CRHR1: variants seen among roughly 807,000 people sequenced by gnomAD.
The protein encoded by CRHR1 is corticotropin-releasing hormone receptor 1.
A neutral mutation model predicts 56.0 loss-of-function variants in CRHR1; 28 were observed. The ratio of observed to expected loss-of-function variants is 0.50; its 90% CI spans 0.37 to 0.69. The LOEUF is 0.69. CRHR1 is among the 30% of genes least tolerant of loss of function. CRHR1 has a pLI of 0.00. For missense variants in CRHR1, 376 were observed against 548.0 expected (o/e 0.69, Z 3.13); for synonymous variants, 195 against 216.5 (o/e 0.90, Z 0.87).
intron 1 of CRHR1, among the ~76,000 whole-genome samples, chr17:45,798,582 T>C (rs4792884): frequency 0.16 from 23,503 of 149,680 alleles, 2,813 homozygotes; most frequent in African/African-American, 0.34. Context: ...AGCTTACAAC[T>C]CAAGCTTATA....
At chr17:45,821,512 T>C (rs2143125435) in intron 4 of CRHR1, 72 bp downstream of exon 4, 8 of 1,395,310 alleles carry the variant, frequency 5.7e-6, no homozygotes, top group East Asian at 2.3e-5. Flanking sequence ...TTGTGCCTGC[T>C]ACTTGGAGTC....
At chr17:45,804,776 C>G (rs1388599836) in intron 1 of CRHR1, among the ~76,000 whole-genome samples, 1 of 151,158 alleles carries the variant, frequency 6.6e-6, no homozygotes, top group East Asian at 1.9e-4. Flanking sequence ...TGGAGTGAAG[C>G]AAGTGAGGCA....
chr17:45,828,942 G>A (rs1279099142), intron 4 of CRHR1, among the ~76,000 whole-genome samples: 2 of 152,196 alleles, frequency 1.3e-5, no homozygotes, highest in Non-Finnish European at 2.9e-5. Context: ...CAGGGGCGGG[G>A]GGTCCATGTG....
At chr17:45,820,630 A>C (rs1053369093) in intron 3 of CRHR1, among the ~76,000 whole-genome samples, 11 of 152,180 alleles carry the variant, frequency 7.2e-5, no homozygotes, top group Non-Finnish European at 1.3e-4. Context: ...CAGCTGTGAC[A>C]GACCTGAGTG....
rs376747213 is a variant in CRHR1 at position 45,833,702 on chromosome 17, G to A, written c.930-12G>A. 28 of 412,902 alleles carry A rather than the reference G, an allele frequency of 6.8e-5. No individual in the cohort carries two copies. Among genetic ancestry groups the A allele is most frequent in the African/African-American group, 3.7e-4 (11 of 29,526 alleles). 25.6% of individuals were successfully genotyped at this position (412,902 alleles called of 1,614,324 possible). ...GCTGTGACTCCGAGCCTCCCCACCC[G>A]CCCCACCCCAGGAAGGCTGTGAAAG... On this transcript the variant is annotated splice_polypyrimidine_tract_variant and intron_variant, in intron 10 of 12. Coordinates refer to ENST00000314537, the MANE Select transcript of CRHR1 (RefSeq NM_004382.5).
At chr17:45,829,616 C>T (rs1472913681) in intron 5 of CRHR1, 33 of 1,551,106 alleles carry the variant, frequency 2.1e-5, no homozygotes, top group South Asian at 3.6e-5. Flanking sequence ...GGTGGGGGCT[C>T]CATGGAGTGG....
intron 1 of CRHR1, 135 bp from the exon 2 acceptor site, chr17:45,806,875 G>T (rs1407470614): frequency 1.0e-5 from 7 of 683,312 alleles, no homozygotes; most frequent in South Asian, 1.8e-5. Context: ...TCTGGGAAGC[G>T]ACTGGATGTG....
chr17:45,832,854 C>T (rs1026361629), intron 8 of CRHR1, among the ~76,000 whole-genome samples: 19 of 152,262 alleles, frequency 1.2e-4, no homozygotes, highest in Admixed American at 6.5e-5. Flanking sequence ...GTGTTGGGCC[C>T]ATGCCCGTTC....
Position 45,834,910 on chromosome 17 carries a change from C to A in CRHR1, c.*146C>A. 1 of 1,093,332 alleles carries A rather than the reference C, an allele frequency of 9.1e-7. No individual in the cohort carries two copies. The highest frequency in any genetic ancestry group is 1.3e-6 in the Non-Finnish European group (1 of 766,092). The allele number at this position is 1,093,332 out of a possible 1,614,324, so 67.7% of individuals were successfully genotyped here. A position where few individuals can be genotyped will look rare whatever the true frequency, so the allele number is the denominator to read the frequency against. On this transcript the variant is annotated 3_prime_UTR_variant, in exon 13 of 13. Coordinates refer to ENST00000314537, the MANE Select transcript of CRHR1 (RefSeq NM_004382.5). ...GCTGGCACTGACAGCCTGGGGGGGCCGCTCTCCCCCTGCAGCCGTGCAGGA... is the reference window on the plus strand; with the variant it reads ...GCTGGCACTGACAGCCTGGGGGGGCAGCTCTCCCCCTGCAGCCGTGCAGGA...
intron 1 of CRHR1, among the ~76,000 whole-genome samples, chr17:45,790,959 C>G (rs886368561): frequency 6.6e-6 from 1 of 152,160 alleles, no homozygotes; most frequent in African/African-American, 2.4e-5. Flanking sequence ...TGGTCAGTAC[C>G]AAAGCCCACA....
Position 45,810,577 on chromosome 17 carries a change from G to A in CRHR1, c.121+3480G>A, listed in dbSNP as rs117714845. ...CTCAGAGCCAGGGTGCCCAGGGCCCGGTGTAGTCAGCCGTCTAGGGGTGCA... is the reference window on the plus strand; with the variant it reads ...CTCAGAGCCAGGGTGCCCAGGGCCCAGTGTAGTCAGCCGTCTAGGGGTGCA... On this transcript the variant is annotated intron_variant, in intron 2 of 12. Coordinates refer to ENST00000314537, the MANE Select transcript of CRHR1 (RefSeq NM_004382.5). 3.7e-4 allele frequency among the ~76,000 whole-genome samples: 56 copies of A among 152,184 alleles called. 1 individual carries two copies. The East Asian group carries it at 0.01, about 28-fold the overall frequency.
chr17:45,834,644 G>A lies in CRHR1; in HGVS notation c.1128G>A (p.Lys376=), dbSNP rs1325813311. 6.2e-7 allele frequency: 1 copy of A among 1,612,786 alleles called. No homozygotes were observed. Among genetic ancestry groups the A allele is most frequent in the Non-Finnish European group, 8.5e-7 (1 of 1,179,514 alleles). The change falls in exon 13 of 13, where the codon AAG becomes AAA. Residue 376 remains lysine (K), a synonymous_variant. Transcript: ENST00000314537. Reference sequence around the variant, plus strand: ...CACAGGTCCGTTCTGCCATCCGGAAGAGGTGGCACCGGTGGCAGGACAAGC... The same window carrying A: ...CACAGGTCCGTTCTGCCATCCGGAAAAGGTGGCACCGGTGGCAGGACAAGC... ...LNSEVRSAIR[K]RWHRWQDKHS... is the part of the protein sequence containing the mutation.
At chr17:45,821,209 C>A in intron 3 of CRHR1, 146 bp from the exon 4 acceptor site, 1 of 724,280 alleles carries the variant, frequency 1.4e-6, no homozygotes, top group Non-Finnish European at 2.4e-6. Flanking sequence ...AAGGAAGCCC[C>A]TCTCCCCAGC....
At chr17:45,795,956 T>C (rs970374137) in intron 1 of CRHR1, among the ~76,000 whole-genome samples, 3 of 152,208 alleles carry the variant, frequency 2.0e-5, no homozygotes, top group Non-Finnish European at 2.9e-5. Flanking sequence ...CAGTCGTTTT[T>C]CCAGGAAAAA....
At chr17:45,790,446 G>A (rs1442704746) in intron 1 of CRHR1, among the ~76,000 whole-genome samples, 4 of 152,268 alleles carry the variant, frequency 2.6e-5, no homozygotes, top group East Asian at 1.9e-4. Flanking sequence ...GTAGAACTGC[G>A]GATTCAAATG....
intron 3 of CRHR1, among the ~76,000 whole-genome samples, chr17:45,818,673 C>T (rs35327015): frequency 0.03 from 4,581 of 152,218 alleles, 77 homozygotes; most frequent in Non-Finnish European, 0.044. Context: ...GTGCCTCCAG[C>T]GCCAGATGAG....
intron 4 of CRHR1, among the ~76,000 whole-genome samples, chr17:45,828,502 G>A (rs904569926): frequency 3.3e-5 from 5 of 152,372 alleles, no homozygotes; most frequent in Non-Finnish European, 5.9e-5. Flanking sequence ...CTGTAAAGAG[G>A]AGGGCAGTGA....
intron 2 of CRHR1, among the ~76,000 whole-genome samples, chr17:45,813,411 C>T (rs1598423763): frequency 6.6e-6 from 1 of 152,168 alleles, no homozygotes; most frequent in Admixed American, 6.5e-5. Context: ...TTCTCCTCCC[C>T]GTTCTTGCAG....
intron 4 of CRHR1, chr17:45,825,547 G>C (rs940898970): frequency 6.5e-4 from 100 of 154,754 alleles, no homozygotes; most frequent in African/African-American, 2.3e-3. Flanking sequence ...AACGGATTCT[G>C]GGGGTCTGGT....
Sources: gnomAD v4.1 joint callset for allele counts (sites outside exome capture counted in the v4.1 genomes callset) on GRCh38, gnomAD v4.1.1 for gene constraint, MANE v1.5 for transcripts, NCBI Gene and HGNC (gene_info 2026-07-23, HGNC 2026-07-21) for gene names.